MAML3: variants seen among roughly 807,000 people sequenced by gnomAD.
The protein encoded by MAML3 is mastermind like transcriptional coactivator 3, also known as mastermind-like protein 3.
A neutral mutation model predicts 101.9 loss-of-function variants in MAML3; 27 were observed. That is an observed-to-expected ratio of 0.27 (90% CI 0.20 to 0.37). MAML3 has a LOEUF of 0.37. Among genes scored for constraint, MAML3 ranks in the 10% least tolerant of loss-of-function variants. The pLI, the probability that MAML3 is intolerant of heterozygous loss-of-function variation, is 1.00. For synonymous variants in MAML3, 501 were observed against 555.9 expected (o/e 0.90, Z 1.39); for missense variants, 1,316 against 1,444.9 (o/e 0.91, Z 1.45).
At chr4:139,834,698 A>G (rs1300430855) in intron 2 of MAML3, among the ~76,000 whole-genome samples, 1 of 152,226 alleles carries the variant, frequency 6.6e-6, no homozygotes, top group Non-Finnish European at 1.5e-5. Flanking sequence ...GTTGGAATAT[A>G]GCACAGTTCC....
chr4:139,801,008 T>C (rs1215546184), intron 2 of MAML3, among the ~76,000 whole-genome samples: 1 of 152,254 alleles, frequency 6.6e-6, no homozygotes, highest in Admixed American at 6.5e-5. Flanking sequence ...TCTGGCCTGG[T>C]GCATGTTGGG....
intron 2 of MAML3, among the ~76,000 whole-genome samples, chr4:139,852,403 G>GTTTTTTT (rs67349785): frequency 1.5e-5 from 1 of 68,326 alleles, no homozygotes; most frequent in Non-Finnish European, 2.7e-5. Flanking sequence ...TCAGAAGACT[G>GTTTTTTT]TTTTTTTTTT....
chr4:139,722,595 T>C (rs1728280397), intron 4 of MAML3, among the ~76,000 whole-genome samples: 1 of 152,186 alleles, frequency 6.6e-6, no homozygotes, highest in Non-Finnish European at 1.5e-5. Flanking sequence ...TCCAACTTTT[T>C]CCTAAAAAAG....
intron 2 of MAML3, among the ~76,000 whole-genome samples, chr4:139,742,511 G>A (rs534898782): frequency 1.3e-5 from 2 of 152,260 alleles, no homozygotes; most frequent in East Asian, 3.9e-4. Context: ...GCAGTGCTTG[G>A]CTTATAGTAG....
chr4:140,010,714 G>A (rs926763605), intron 1 of MAML3, among the ~76,000 whole-genome samples: 2 of 152,032 alleles, frequency 1.3e-5, no homozygotes, highest in African/African-American at 4.8e-5. Flanking sequence ...CAAAAAAAAT[G>A]CCAAAATATT....
chr4:140,004,630 G>C (rs1173599918), intron 1 of MAML3, among the ~76,000 whole-genome samples: 1 of 152,144 alleles, frequency 6.6e-6, no homozygotes, highest in African/African-American at 2.4e-5. Flanking sequence ...TGTGACACAA[G>C]ATACCCACCG....
chr4:140,013,191 T>C lies in MAML3; in HGVS notation c.469-122224A>G, dbSNP rs541156992. Among the ~76,000 whole-genome samples the C allele has an allele frequency of 2.6e-5, 4 of 152,296 alleles. No homozygotes were observed. In the South Asian group the frequency reaches 8.3e-4, roughly 32 times the overall value. ...TCTTCCACTAGAAAATGTCAAATATTTAAGGAGTCAAATGATTAGCTCATC... is the reference window on the plus strand; with the variant it reads ...TCTTCCACTAGAAAATGTCAAATATCTAAGGAGTCAAATGATTAGCTCATC... On this transcript the variant is annotated intron_variant, in intron 1 of 4. Transcript: ENST00000509479.
intron 1 of MAML3, among the ~76,000 whole-genome samples, chr4:140,138,563 T>C (rs916530470): frequency 1.3e-5 from 2 of 152,164 alleles, no homozygotes; most frequent in African/African-American, 4.8e-5. Flanking sequence ...CATGAGGTGC[T>C]GATCTGCACA....
intron 2 of MAML3, among the ~76,000 whole-genome samples, chr4:139,852,403 GTTTTTTTTTTTT>G (rs67349785): frequency 3.1e-4 from 21 of 68,350 alleles, no homozygotes; most frequent in African/African-American, 1.3e-3. Flanking sequence ...TCAGAAGACT[GTTTTTTTTTTTT>G]TTTTTTTTTT....
At chr4:139,887,301 G>A (rs1437171732) in intron 2 of MAML3, among the ~76,000 whole-genome samples, 3 of 152,168 alleles carry the variant, frequency 2.0e-5, no homozygotes, top group African/African-American at 7.2e-5. Flanking sequence ...TAAAAAGCAC[G>A]CTTTTACCTG....
At position 139,725,738 on chromosome 4, in the gene MAML3, G is replaced by T; in HGVS notation, c.2416+13C>A. The stretch of plus-strand genomic sequence containing the variant: ...TGGAAGGTATAAAATGAGAGAGGTT[G>T]CACTGGCCTCACCTTGAAACTGATT... On this transcript the variant is annotated intron_variant, in intron 4 of 4. Coordinates refer to ENST00000509479, the MANE Select transcript of MAML3 (RefSeq NM_018717.5). 1 of 1,613,068 alleles carries T rather than the reference G, an allele frequency of 6.2e-7. No homozygotes were observed. Among genetic ancestry groups the T allele is most frequent in the South Asian group, 1.1e-5 (1 of 91,056 alleles).
intron 1 of MAML3, among the ~76,000 whole-genome samples, chr4:139,982,162 C>T (rs952380760): frequency 9.2e-5 from 14 of 152,034 alleles, no homozygotes; most frequent in African/African-American, 3.4e-4. Context: ...TTGATTTTTC[C>T]CATCATTTAT....
intron 1 of MAML3, among the ~76,000 whole-genome samples, chr4:139,969,320 C>CA (rs1349698725): frequency 6.6e-6 from 1 of 151,898 alleles, no homozygotes; most frequent in East Asian, 1.9e-4. Context: ...GGAAGAGAGA[C>CA]AGACTGATTT....
At chr4:139,727,907 C>T (rs976434103) in intron 3 of MAML3, among the ~76,000 whole-genome samples, 1 of 152,158 alleles carries the variant, frequency 6.6e-6, no homozygotes, top group Non-Finnish European at 1.5e-5. Context: ...TGGCAGTATT[C>T]ACTCTCAAAA....
chr4:139,762,391 T>G (rs1212203135), intron 2 of MAML3, among the ~76,000 whole-genome samples: 1 of 152,180 alleles, frequency 6.6e-6, no homozygotes, highest in Non-Finnish European at 1.5e-5. Flanking sequence ...GGACAGTGAT[T>G]GTGATTATCA....
At chr4:140,007,952 T>C (rs1726484655) in intron 1 of MAML3, among the ~76,000 whole-genome samples, 2 of 152,212 alleles carry the variant, frequency 1.3e-5, no homozygotes, top group African/African-American at 4.8e-5. Flanking sequence ...CGGTAAGAAA[T>C]GGCACTGTTG....
Position 139,720,064 on chromosome 4 carries a change from G to C in MAML3, c.2676C>G (p.Ile892Met). 3 of 1,614,088 alleles carry C rather than the reference G, an allele frequency of 1.9e-6. No individual in the cohort carries two copies. The highest frequency in any genetic ancestry group is 1.7e-6 in the Non-Finnish European group (2 of 1,179,912). ...TCGGTCCCTGGGCTTGGTTATGTGT[G>C]ATGCTCATGCCACTTTGGTTTGGAT... ...LQHPNQSGMS[I>M]THNQAQGPRQ... The change falls in exon 5 of 5, where the codon ATC becomes ATG. Residue 892 changes from isoleucine (I) to methionine (M), a missense_variant. Coordinates refer to ENST00000509479, the MANE Select transcript of MAML3 (RefSeq NM_018717.5).
chr4:139,877,729 G>A (rs1316619251), intron 2 of MAML3, among the ~76,000 whole-genome samples: 1 of 152,200 alleles, frequency 6.6e-6, no homozygotes, highest in Non-Finnish European at 1.5e-5. Context: ...CAGAGTGTGG[G>A]ACAAGTAGTA....
intron 1 of MAML3, among the ~76,000 whole-genome samples, chr4:140,058,577 T>C (rs538960924): frequency 1.3e-5 from 2 of 149,326 alleles, no homozygotes; most frequent in Admixed American, 1.4e-4. Flanking sequence ...TATATATATA[T>C]ATATGGCATT....
Sources: gnomAD v4.1 joint callset for allele counts (sites outside exome capture counted in the v4.1 genomes callset) on GRCh38, gnomAD v4.1.1 for gene constraint, MANE v1.5 for transcripts, NCBI Gene and HGNC (gene_info 2026-07-23, HGNC 2026-07-21) for gene names.